The following BCORL1 variants were observed in gnomAD, a reference collection of about 807,000 sequenced individuals.
BCORL1 encodes the protein BCL-6 corepressor-like protein 1.
BCORL1 carries 7 observed loss-of-function variants against 87.6 expected under a neutral mutation model. The ratio of observed to expected loss-of-function variants is 0.08; its 90% CI spans 0.05 to 0.15. The LOEUF (loss-of-function observed/expected upper bound fraction) is 0.15. Among genes scored for constraint, BCORL1 ranks in the 10% least tolerant of loss-of-function variants. BCORL1 has a pLI of 1.00. For synonymous variants in BCORL1, 591 were observed against 634.4 expected (o/e 0.93, Z 1.03); for missense variants, 1,215 against 1,499.7 (o/e 0.81, Z 3.13).
rs1932386756 is a variant in BCORL1, at chrX:130,056,272, C to T, written c.*136C>T. The T allele has an allele frequency of 9.1e-6, 6 of 660,410 alleles. No individual in the cohort carries two copies. Among genetic ancestry groups the T allele is most frequent in the Non-Finnish European group, 1.3e-5 (6 of 459,551 alleles). The allele number at this position is 660,410 out of a possible 1,213,427, so 54.4% of individuals were successfully genotyped here. A position where few individuals can be genotyped will look rare whatever the true frequency, so the allele number is the denominator to read the frequency against. Reference sequence around the variant, plus strand: ...CAACAAGAAGCCGCCTTATCAATGCCAGCATTAGCGACTGGACTGTTTTTG... The same window carrying T: ...CAACAAGAAGCCGCCTTATCAATGCTAGCATTAGCGACTGGACTGTTTTTG... On this transcript the variant is annotated 3_prime_UTR_variant, in exon 14 of 14. Transcript: ENST00000540052.
intron 12 of BCORL1, 117 bp downstream of exon 12, chrX:130,050,911 C>T (rs990614948): frequency 3.4e-6 from 2 of 586,313 alleles, no homozygotes; most frequent in African/African-American, 2.3e-5. Flanking sequence ...AAACCTGAAC[C>T]TGAACCCATC....
rs779122930 is a variant in BCORL1, at chrX:130,037,369, T to A, written c.4530T>A (p.Asp1510Glu). 1.2e-5 allele frequency: 14 copies of A among 1,210,685 alleles called. No homozygotes were observed. Among genetic ancestry groups the A allele is most frequent in the Non-Finnish European group, 1.6e-5 (14 of 894,592 alleles). Reference protein sequence around the residue: ...LQRAARLGYKDVVLYCLQKDS... With the variant: ...LQRAARLGYKEVVLYCLQKDS... ...TGGAGTTGTCCCTGTCCCCACAGGA[T>A]GTTGTTCTCTACTGCCTCCAGAAAG... is the stretch of plus-strand genomic sequence containing the variant. The change falls in exon 10 of 14, where the codon GAT becomes GAA. Residue 1510 changes from aspartate (D) to glutamate (E), a missense_variant and splice_region_variant. Transcript: ENST00000540052.
intron 1 of BCORL1, among the ~76,000 whole-genome samples, chrX:130,000,661 A>G (rs976774343): frequency 2.7e-5 from 3 of 112,318 alleles, no homozygotes; most frequent in Admixed American, 9.5e-5. Flanking sequence ...AATAAATTGC[A>G]AATGGAGGCA....
Position 130,014,089 on chromosome X carries a change from A to G in BCORL1, c.1317A>G (p.Pro439=). The G allele has an allele frequency of 2.5e-6, 3 of 1,209,642 alleles. No homozygotes were observed. The highest frequency in any genetic ancestry group is 3.4e-6 in the Non-Finnish European group (3 of 894,157). Reference sequence around the variant, plus strand: ...AAAAAGTCCCCCTGTCCTTTCAGCCAGGGACAGTGCTGACCCCGAGCCAGC... The same window carrying G: ...AAAAAGTCCCCCTGTCCTTTCAGCCGGGGACAGTGCTGACCCCGAGCCAGC... The part of the protein sequence containing the change: ...AMQKVPLSFQ[P]GTVLTPSQPL... Residue 439 remains proline (P), a synonymous_variant, in exon 4 of 14, where the codon CCA becomes CCG. Transcript: ENST00000540052.
chrX:129,998,708 T>C (rs1927758298), intron 1 of BCORL1, among the ~76,000 whole-genome samples: 1 of 111,698 alleles, frequency 9.0e-6, no homozygotes, highest in Non-Finnish European at 1.9e-5. Flanking sequence ...CTAGGGCCGC[T>C]TTAGAGGTTC....
At chrX:130,012,779 C>T (rs1929066154) in intron 3 of BCORL1, 111 bp downstream of exon 3, 1 of 993,417 alleles carries the variant, frequency 1.0e-6, no homozygotes, top group African/African-American at 1.9e-5. Flanking sequence ...GACAGGGTCT[C>T]TCCCAGGAGT....
chrX:130,001,081 T>TTTTTTC (rs1290861391), intron 1 of BCORL1, among the ~76,000 whole-genome samples: 1 of 111,630 alleles, frequency 9.0e-6, no homozygotes, highest in Non-Finnish European at 1.9e-5. Context: ...AGGATGCTTT[T>TTTTTTC]TTTTTCTTTT....
At chrX:130,012,471 G>C in intron 2 of BCORL1, 107 bp from the exon 3 acceptor site, 1 of 600,262 alleles carries the variant, frequency 1.7e-6, no homozygotes, top group Non-Finnish European at 2.7e-6. Context: ...AAGTGAGGTA[G>C]GAAGGTTTTA....
chrX:130,000,889 G>A (rs1047790989), intron 1 of BCORL1, among the ~76,000 whole-genome samples: 3 of 100,192 alleles, frequency 3.0e-5, no homozygotes, highest in African/African-American at 1.2e-4. Flanking sequence ...CAAACATGGT[G>A]GATGCTTTGT....
At chrX:129,989,212 T>C (rs1042283842) in intron 1 of BCORL1, among the ~76,000 whole-genome samples, 4 of 109,562 alleles carry the variant, frequency 3.7e-5, no homozygotes, top group African/African-American at 1.3e-4. Context: ...CTCGGCTCAC[T>C]GCAAGCTCCG....
intron 1 of BCORL1, among the ~76,000 whole-genome samples, chrX:129,998,931 G>C (rs1927774438): frequency 2.7e-5 from 3 of 111,806 alleles, no homozygotes; most frequent in Non-Finnish European, 5.6e-5. Context: ...AAAGATTTAA[G>C]TGGATGCTCC....
chrX:130,033,851 G>A (rs915933965), intron 8 of BCORL1, among the ~76,000 whole-genome samples: 7 of 110,588 alleles, frequency 6.3e-5, no homozygotes, highest in Non-Finnish European at 9.5e-5. Context: ...GCATGGTGGC[G>A]CATACCTGTA....
intron 11 of BCORL1, among the ~76,000 whole-genome samples, chrX:130,046,647 C>T (rs1199692001): frequency 1.8e-5 from 2 of 110,916 alleles, no homozygotes; most frequent in African/African-American, 6.6e-5. Context: ...CCTGGGTTCA[C>T]ACCATTCTCC....
intron 9 of BCORL1, among the ~76,000 whole-genome samples, chrX:130,036,319 G>A (rs776983603): frequency 1.7e-4 from 19 of 109,283 alleles, no homozygotes; most frequent in Non-Finnish European, 1.9e-4. Context: ...GGAGTGCAAC[G>A]GTGCAATCTC....
rs1488781894 is a variant in BCORL1 at position 130,015,117 on chromosome X, T to A, written c.2345T>A (p.Val782Glu). 7 of 1,211,948 alleles carry A rather than the reference T, an allele frequency of 5.8e-6. No individual in the cohort carries two copies. The highest frequency in any genetic ancestry group is 7.8e-6 in the Non-Finnish European group (7 of 895,515). ...QAGAEGQPSTVKRYTPARIAP... is the reference protein window; with the variant it reads ...QAGAEGQPSTEKRYTPARIAP... ...GGTGCTGAGGGACAGCCAAGCACAG[T>A]GAAACGATATACTCCAGCCCGCATT... is the stretch of plus-strand genomic sequence containing the variant. Residue 782 changes from valine to glutamate, a missense_variant, in exon 4 of 14, where the codon GTG (valine) becomes GAG (glutamate). This residue lies in a region of BCORL1 where 861 missense variants were observed against 1,010.0 expected (regional missense o/e 0.85). Coordinates refer to ENST00000540052, the MANE Select transcript of BCORL1 (RefSeq NM_001379451.1).
At position 130,021,060 on chromosome X, in the gene BCORL1, C is replaced by T. The variant is rs753119842; in HGVS notation, c.3517C>T (p.His1173Tyr). 1 of 1,193,858 alleles carries T rather than the reference C, an allele frequency of 8.4e-7. No homozygotes were observed. The highest frequency in any genetic ancestry group is 3.1e-5 in the East Asian group (1 of 32,321). ...GGGGGCTTCAGATTCAGGAAAAGAG[C>T]ACAATGGAGTCAGGGGAAAGCACAA... ...PRGASDSGKE[H>Y]NGVRGKHKHR... is the part of the protein sequence containing the mutation. Residue 1173 changes from histidine to tyrosine, a missense_variant, in exon 5 of 14, where the codon CAC becomes TAC. Coordinates refer to ENST00000540052, the MANE Select transcript of BCORL1 (RefSeq NM_001379451.1).
At chrX:130,053,886 A>G (rs1932213019) in intron 13 of BCORL1, among the ~76,000 whole-genome samples, 1 of 112,066 alleles carries the variant, frequency 8.9e-6, no homozygotes, top group Non-Finnish European at 1.9e-5. Flanking sequence ...GTCCAAGTGT[A>G]TGATATCTGT....
chrX:129,989,271 G>T (rs1233557843), intron 1 of BCORL1, among the ~76,000 whole-genome samples: 1 of 105,392 alleles, frequency 9.5e-6, no homozygotes, highest in African/African-American at 3.5e-5. Flanking sequence ...AAGTAGCTGG[G>T]ACTACAGGCG....
At chrX:130,041,141 TAGG>T (rs1931281875) in intron 11 of BCORL1, among the ~76,000 whole-genome samples, 2 of 109,695 alleles carry the variant, frequency 1.8e-5, no homozygotes, top group African/African-American at 6.6e-5. Flanking sequence ...GAGGCTCAGG[TAGG>T]AGAATTGCTT....
Sources: allele counts gnomAD v4.1 joint callset (sites outside exome capture counted in the v4.1 genomes callset), GRCh38; gene constraint gnomAD v4.1.1; regional missense constraint gnomAD v4.1.1; transcripts MANE v1.5; gene names NCBI Gene and HGNC (gene_info 2026-07-23, HGNC 2026-07-21).